MACROD2: variants seen among roughly 807,000 people sequenced by gnomAD.
MACROD2 encodes mono-ADP ribosylhydrolase 2.
MACROD2 carries 36 observed loss-of-function variants against 70.4 expected under a neutral mutation model. That is an observed-to-expected ratio of 0.51 (90% CI 0.39 to 0.68). MACROD2 has a LOEUF of 0.68. MACROD2 is among the 30% of genes least tolerant of loss of function. The pLI is 0.00. For synonymous variants in MACROD2, 172 were observed against 178.8 expected (o/e 0.96, Z 0.30); for missense variants, 496 against 538.4 (o/e 0.92, Z 0.78).
At chr20:14,169,309 T>TTG (rs1039502943) in intron 3 of MACROD2, among the ~76,000 whole-genome samples, 9 of 149,558 alleles carry the variant, frequency 6.0e-5, no homozygotes, top group African/African-American at 2.2e-4. Flanking sequence ...TACTTTTTTT[T>TTG]GGGGGGGGGC....
intron 5 of MACROD2, among the ~76,000 whole-genome samples, chr20:15,134,332 G>C (rs907176938): frequency 1.3e-5 from 2 of 151,426 alleles, no homozygotes; most frequent in East Asian, 2.0e-4. Flanking sequence ...GCTCTCCTCA[G>C]CAAATGTAAA....
chr20:15,576,599 A>C (rs2048451809), intron 8 of MACROD2, among the ~76,000 whole-genome samples: 1 of 148,356 alleles, frequency 6.7e-6, no homozygotes. Context: ...GCTGCTGAGC[A>C]CAGGAATTTT....
intron 5 of MACROD2, among the ~76,000 whole-genome samples, chr20:14,956,587 A>G (rs1398829870): frequency 6.6e-6 from 1 of 152,126 alleles, no homozygotes; most frequent in Non-Finnish European, 1.5e-5. Context: ...TTAAAAAACT[A>G]TCTTGGAAGT....
intron 5 of MACROD2, among the ~76,000 whole-genome samples, chr20:15,130,091 A>C (rs1205787589): frequency 6.6e-6 from 1 of 152,142 alleles, no homozygotes; most frequent in African/African-American, 2.4e-5. Context: ...ATTGTGTTTT[A>C]AATAACACTT....
intron 8 of MACROD2, among the ~76,000 whole-genome samples, chr20:15,619,974 G>C (rs1385679357): frequency 6.6e-6 from 1 of 152,032 alleles, no homozygotes; most frequent in Non-Finnish European, 1.5e-5. Flanking sequence ...TCTTAAGCAG[G>C]GCGTGGTCTA....
chr20:14,572,440 A>G (rs1285045485), intron 4 of MACROD2, among the ~76,000 whole-genome samples: 1 of 152,154 alleles, frequency 6.6e-6, no homozygotes, highest in Admixed American at 6.5e-5. Flanking sequence ...GTGTATACTC[A>G]AGAAAAATAT....
At chr20:14,617,124 C>T (rs1983529124) in intron 4 of MACROD2, among the ~76,000 whole-genome samples, 1 of 152,122 alleles carries the variant, frequency 6.6e-6, no homozygotes, top group Non-Finnish European at 1.5e-5. Flanking sequence ...CCTTGTTTGA[C>T]ATTGTCAGTT....
At position 14,545,095 on chromosome 20, in the gene MACROD2, G is replaced by T. The variant is rs147668428; in HGVS notation, c.301+51587G>T. ...GATGGGAACACTATATTCACTCTCT[G>T]AGAGATGAAATGTAAGTGTAGCTGA... On this transcript the variant is annotated intron_variant, in intron 4 of 17. Coordinates refer to ENST00000684519, the MANE Select transcript of MACROD2 (RefSeq NM_001351661.2). Among the ~76,000 whole-genome samples the T allele has an allele frequency of 4.8e-3, 731 of 152,276 alleles. 1 individual carries two copies. Among genetic ancestry groups the T allele is most frequent in the Non-Finnish European group, 7.8e-3 (529 of 68,016 alleles).
intron 12 of MACROD2, among the ~76,000 whole-genome samples, chr20:15,959,265 C>T (rs1347390484): frequency 1.3e-5 from 2 of 152,146 alleles, no homozygotes; most frequent in African/African-American, 2.4e-5. Context: ...CCTCTGTACA[C>T]CCTATTTCCT....
At chr20:14,924,592 T>A (rs777830206) in intron 5 of MACROD2, among the ~76,000 whole-genome samples, 3 of 152,166 alleles carry the variant, frequency 2.0e-5, no homozygotes, top group Non-Finnish European at 4.4e-5. Context: ...ATCTAAGATC[T>A]TTTGTATAGA....
intron 5 of MACROD2, among the ~76,000 whole-genome samples, chr20:14,818,430 C>A (rs1600694915): frequency 1.3e-5 from 2 of 152,198 alleles, no homozygotes; most frequent in East Asian, 3.9e-4. Flanking sequence ...TGAGTACCCC[C>A]CTGAAGATGC....
intron 3 of MACROD2, among the ~76,000 whole-genome samples, chr20:14,301,691 A>G (rs1273802280): frequency 6.6e-6 from 1 of 152,158 alleles, no homozygotes; most frequent in Non-Finnish European, 1.5e-5. Flanking sequence ...TCTACCAATG[A>G]TTTAAACTAG....
At chr20:15,604,220 C>T (rs916204775) in intron 8 of MACROD2, among the ~76,000 whole-genome samples, 2 of 152,200 alleles carry the variant, frequency 1.3e-5, no homozygotes, top group African/African-American at 2.4e-5. Context: ...CATCCACAAA[C>T]TCAGTGCAGA....
At chr20:14,120,232 A>AG (rs1555922277) in intron 3 of MACROD2, among the ~76,000 whole-genome samples, 13 of 151,260 alleles carry the variant, frequency 8.6e-5, no homozygotes, top group Non-Finnish European at 1.6e-4. Context: ...AAAAAAAAAA[A>AG]AAGAAGAAGA....
intron 5 of MACROD2, among the ~76,000 whole-genome samples, chr20:14,788,854 C>T (rs990775770): frequency 4.7e-5 from 7 of 148,254 alleles, no homozygotes; most frequent in East Asian, 2.0e-4. Context: ...CTGCAATCTC[C>T]GCTTCCTGGG....
At chr20:15,353,970 T>C (rs1330197016) in intron 6 of MACROD2, among the ~76,000 whole-genome samples, 1 of 142,696 alleles carries the variant, frequency 7.0e-6, no homozygotes, top group Non-Finnish European at 1.5e-5. Context: ...GAACTAGAAA[T>C]ACCATTTGAC....
chr20:15,300,705 C>A lies in MACROD2; in HGVS notation c.540+70644C>A, dbSNP rs1397308747. ...AGAAGCTACAGTTTCATCACTGGGGCTCAGACCACATGTGAAGCAACTGGG... is the reference window on the plus strand; with the variant it reads ...AGAAGCTACAGTTTCATCACTGGGGATCAGACCACATGTGAAGCAACTGGG... On this transcript the variant is annotated intron_variant, in intron 6 of 17. Coordinates refer to ENST00000684519, the MANE Select transcript of MACROD2 (RefSeq NM_001351661.2). Among the ~76,000 whole-genome samples, 5 of 152,124 alleles carry A rather than the reference C, an allele frequency of 3.3e-5. No individual in the cohort carries two copies. The East Asian group carries it at 7.7e-4, about 23-fold the overall frequency.
At chr20:14,819,143 G>C (rs1324602506) in intron 5 of MACROD2, among the ~76,000 whole-genome samples, 3 of 151,682 alleles carry the variant, frequency 2.0e-5, no homozygotes, top group African/African-American at 7.3e-5. Context: ...GCAGGCATCT[G>C]TAATCCCAGC....
chr20:14,478,511 A>AT (rs763187717), intron 3 of MACROD2, among the ~76,000 whole-genome samples: 68 of 151,948 alleles, frequency 4.5e-4, no homozygotes, highest in Non-Finnish European at 8.7e-4. Flanking sequence ...TATAGCATGG[A>AT]TTTTTTAAAA....
Sources: gnomAD v4.1 joint callset for allele counts (sites outside exome capture counted in the v4.1 genomes callset) on GRCh38, gnomAD v4.1.1 for gene constraint, MANE v1.5 for transcripts, NCBI Gene and HGNC (gene_info 2026-07-23, HGNC 2026-07-21) for gene names.